TNIK: variants seen among roughly 807,000 people sequenced by gnomAD.
The protein encoded by TNIK is TRAF2 and NCK-interacting protein kinase.
A neutral mutation model predicts 191.3 loss-of-function variants in TNIK; 49 were observed. The observed-to-expected ratio is 0.26, with a 90% confidence interval of 0.20 to 0.32. The LOEUF (loss-of-function observed/expected upper bound fraction) is 0.32, where lower values mean the gene tolerates loss of function less well. TNIK is among the 10% of genes least tolerant of loss of function. The probability of loss-of-function intolerance (pLI) is 1.00; values close to 1 mark genes in which losing one functional copy is unlikely to be tolerated. For missense variants in TNIK, 1,155 were observed against 1,702.3 expected (o/e 0.68, Z 5.66); for synonymous variants, 594 against 600.9 (o/e 0.99, Z 0.17).
Position 171,415,050 on chromosome 3 carries a change from TA to T in TNIK, c.57+44956del, listed in dbSNP as rs1361162778. On this transcript the variant is annotated intron_variant, in intron 1 of 32. Coordinates refer to ENST00000436636, the MANE Select transcript of TNIK (RefSeq NM_015028.4). ...GTTTTCTACCAGGCTCCCCCTTCCT[TA>T]CTGCCCTCCAGTTGCCCAACCCGCT... Among the ~76,000 whole-genome samples the T allele has an allele frequency of 2.6e-5, 4 of 152,154 alleles. No individual in the cohort carries two copies. The East Asian group carries it at 7.7e-4, about 29-fold the overall frequency.
chr3:171,270,231 G>A (rs1003949747), intron 2 of TNIK, among the ~76,000 whole-genome samples: 1 of 152,122 alleles, frequency 6.6e-6, no homozygotes, highest in Non-Finnish European at 1.5e-5. Flanking sequence ...AGGGCTGGGG[G>A]CAACTGGGTC....
intron 4 of TNIK, among the ~76,000 whole-genome samples, chr3:171,208,114 T>C (rs925777008): frequency 4.6e-5 from 7 of 152,076 alleles, no homozygotes; most frequent in Admixed American, 6.6e-5. Flanking sequence ...GAGAATTGCT[T>C]GAGACTGGGA....
At chr3:171,256,164 T>C (rs1313279519) in intron 2 of TNIK, among the ~76,000 whole-genome samples, 2 of 152,166 alleles carry the variant, frequency 1.3e-5, no homozygotes, top group Non-Finnish European at 2.9e-5. Flanking sequence ...TTTCGGGGTT[T>C]TTCCAAGCCT....
chr3:171,412,430 T>C, intron 1 of TNIK, among the ~76,000 whole-genome samples: 1 of 152,234 alleles, frequency 6.6e-6, no homozygotes, highest in East Asian at 1.9e-4. Flanking sequence ...TTAAGTCTTT[T>C]TCTGAGGTCC....
chr3:171,285,418 G>A (rs1184097807), intron 2 of TNIK, among the ~76,000 whole-genome samples: 2 of 152,194 alleles, frequency 1.3e-5, no homozygotes, highest in Non-Finnish European at 2.9e-5. Flanking sequence ...GAAAGTAAAA[G>A]TGTAGAGGTG....
At chr3:171,190,833 A>G in intron 5 of TNIK, 46 bp from the exon 6 acceptor site, 1 of 1,403,572 alleles carries the variant, frequency 7.1e-7, no homozygotes, top group South Asian at 1.3e-5. Flanking sequence ...ACATAAGCCA[A>G]GATGCCAATA....
intron 12 of TNIK, among the ~76,000 whole-genome samples, chr3:171,150,774 A>C (rs982092251): frequency 6.6e-6 from 1 of 152,174 alleles, no homozygotes; most frequent in Non-Finnish European, 1.5e-5. Flanking sequence ...ACTGCAGGCT[A>C]ACTCACCAGC....
intron 2 of TNIK, among the ~76,000 whole-genome samples, chr3:171,341,968 G>T (rs1757579774): frequency 6.6e-6 from 1 of 152,154 alleles, no homozygotes; most frequent in African/African-American, 2.4e-5. Context: ...GTATTTTCAA[G>T]ATGTTTTACA....
At chr3:171,125,529 A>T (rs1425140986) in intron 17 of TNIK, among the ~76,000 whole-genome samples, 1 of 152,220 alleles carries the variant, frequency 6.6e-6, no homozygotes, top group African/African-American at 2.4e-5. Flanking sequence ...ATAGGAATAC[A>T]TGGATTTTCT....
At chr3:171,448,985 G>A (rs570454063) in intron 1 of TNIK, among the ~76,000 whole-genome samples, 2 of 151,666 alleles carry the variant, frequency 1.3e-5, no homozygotes, top group African/African-American at 2.4e-5. Flanking sequence ...TCCCACTTAT[G>A]AGTAAGAACA....
At chr3:171,149,157 C>T (rs1732067142) in intron 12 of TNIK, among the ~76,000 whole-genome samples, 1 of 152,104 alleles carries the variant, frequency 6.6e-6, no homozygotes, top group Non-Finnish European at 1.5e-5. Flanking sequence ...ACTAAGAAGA[C>T]TGTGAACACA....
chr3:171,214,254 A>G (rs909995764), intron 3 of TNIK, among the ~76,000 whole-genome samples: 6 of 151,898 alleles, frequency 4.0e-5, no homozygotes, highest in African/African-American at 1.5e-4. Flanking sequence ...TAACCATGTC[A>G]CAAAGAGTTC....
In TNIK at chr3:171,413,415, A is replaced by G. The variant is rs961945596; in HGVS notation, c.58-43730T>C. Among the ~76,000 whole-genome samples, 12 of 152,260 alleles carry G rather than the reference A, an allele frequency of 7.9e-5. No homozygotes were observed. The East Asian group carries it at 2.1e-3, about 27-fold the overall frequency. On this transcript the variant is annotated intron_variant, in intron 1 of 32. Coordinates refer to ENST00000436636, the MANE Select transcript of TNIK (RefSeq NM_015028.4). ...CCCATGCCTCATCAGGAACTCTTCT[A>G]TAAAGGACAAGGCCTCTCTGCCTGC...
intron 1 of TNIK, among the ~76,000 whole-genome samples, chr3:171,436,178 C>G (rs573406164): frequency 6.6e-6 from 1 of 152,302 alleles, no homozygotes; most frequent in Non-Finnish European, 1.5e-5. Flanking sequence ...ATACAGCTAG[C>G]CATCTACCCT....
At chr3:171,296,256 A>G (rs1036025543) in intron 2 of TNIK, among the ~76,000 whole-genome samples, 11 of 152,272 alleles carry the variant, frequency 7.2e-5, no homozygotes, top group African/African-American at 2.4e-4. Flanking sequence ...TTCTATAAAT[A>G]TGTTTTGGAG....
chr3:171,205,407 C>G (rs1277035945), intron 4 of TNIK, among the ~76,000 whole-genome samples: 1 of 152,192 alleles, frequency 6.6e-6, no homozygotes, highest in African/African-American at 2.4e-5. Context: ...CTGACGAGTG[C>G]TAGGCCCTTT....
At chr3:171,194,158 T>G (rs1431963438) in intron 5 of TNIK, among the ~76,000 whole-genome samples, 1 of 152,202 alleles carries the variant, frequency 6.6e-6, no homozygotes, top group Non-Finnish European at 1.5e-5. Context: ...CTTAAATGAG[T>G]GATTAAAATA....
intron 2 of TNIK, among the ~76,000 whole-genome samples, chr3:171,294,696 G>A (rs1752063583): frequency 6.6e-6 from 1 of 151,986 alleles, no homozygotes; most frequent in African/African-American, 2.4e-5. Context: ...ACTCTAGCCT[G>A]GGCCACAAGA....
intron 2 of TNIK, among the ~76,000 whole-genome samples, chr3:171,352,134 C>G (rs181340486): frequency 8.2e-4 from 125 of 152,332 alleles, no homozygotes; most frequent in African/African-American, 2.8e-3. Context: ...TGCTGCTGGA[C>G]AGCAGGCCAC....
Sources: gnomAD v4.1 joint callset for allele counts (sites outside exome capture counted in the v4.1 genomes callset) on GRCh38, gnomAD v4.1.1 for gene constraint, MANE v1.5 for transcripts, NCBI Gene and HGNC (gene_info 2026-07-23, HGNC 2026-07-21) for gene names.